RSF1: variants seen among roughly 807,000 people sequenced by gnomAD.
The protein encoded by RSF1 is HBV pX-associated protein 8.
A neutral mutation model predicts 145.2 loss-of-function variants in RSF1; 13 were observed. That is an observed-to-expected ratio of 0.09 (90% CI 0.06 to 0.14). The LOEUF is 0.14. Among genes scored for constraint, RSF1 ranks in the 10% least tolerant of loss-of-function variants. The pLI, the probability that RSF1 is intolerant of heterozygous loss-of-function variation, is 1.00. For missense variants in RSF1, 1,517 were observed against 1,718.2 expected (o/e 0.88, Z 2.07); for synonymous variants, 577 against 592.6 (o/e 0.97, Z 0.38).
Position 77,698,603 on chromosome 11 carries a change from T to G in RSF1, c.2599A>C (p.Ser867Arg), listed in dbSNP as rs568337828. 2 of 1,614,058 alleles carry G rather than the reference T, an allele frequency of 1.2e-6. No homozygotes were observed. ...SSNDESEGSGSEKSSAASEEE... is the reference protein window; with the variant it reads ...SSNDESEGSGREKSSAASEEE... ...TCTGAAGCTGCAGATGATTTTTCAC[T>G]GCCAGACCCTTCACTTTCATCATTG... The change falls in exon 7 of 16, where the codon AGT becomes CGT. Residue 867 changes from serine (S) to arginine (R), a missense_variant. By Grantham distance (110) the Ser-to-Arg change is moderately radical. Transcript: ENST00000308488.
chr11:77,722,196 C>T (rs531798867), intron 5 of RSF1, among the ~76,000 whole-genome samples: 4 of 152,170 alleles, frequency 2.6e-5, no homozygotes, highest in East Asian at 3.9e-4. Flanking sequence ...AAATAGAAGA[C>T]AGAAAAACAA....
chr11:77,725,452 G>C, intron 5 of RSF1, 93 bp downstream of exon 5: 1 of 1,059,462 alleles, frequency 9.4e-7, no homozygotes, highest in South Asian at 4.1e-5. Context: ...TTCAAATTGA[G>C]ATAGAAATTC....
At chr11:77,711,382 G>GT (rs1402957991) in intron 5 of RSF1, among the ~76,000 whole-genome samples, 1 of 152,146 alleles carries the variant, frequency 6.6e-6, no homozygotes, top group Non-Finnish European at 1.5e-5. Flanking sequence ...AAAAGTTTGT[G>GT]TATGTGGCCA....
intron 1 of RSF1, among the ~76,000 whole-genome samples, chr11:77,800,998 T>TTCTC (rs1264697437): frequency 6.7e-6 from 1 of 150,146 alleles, no homozygotes; most frequent in Non-Finnish European, 1.5e-5. Context: ...GAGCCAGGCC[T>TTCTC]TCTCTCTCTC....
intron 1 of RSF1, among the ~76,000 whole-genome samples, chr11:77,765,205 C>T (rs1034192518): frequency 6.6e-6 from 1 of 151,166 alleles, no homozygotes; most frequent in African/African-American, 2.4e-5. Context: ...TCTGCAATAA[C>T]AAATATTTGG....
chr11:77,844,436 C>T, the RSF1 span, among the ~76,000 whole-genome samples: 1 of 151,920 alleles, frequency 6.6e-6, no homozygotes, highest in Non-Finnish European at 1.5e-5. Context: ...GATCATGGCG[C>T]ACTGTAGTCT....
chr11:77,829,312 T>G, the RSF1 span, among the ~76,000 whole-genome samples: 1,552 of 152,316 alleles, frequency 0.01, 28 homozygotes, highest in African/African-American at 0.036. Flanking sequence ...CACCTTATCT[T>G]GGATATGCCA....
chr11:77,713,368 T>C (rs1256114116), intron 5 of RSF1, among the ~76,000 whole-genome samples: 2 of 152,150 alleles, frequency 1.3e-5, no homozygotes, highest in South Asian at 4.2e-4. Flanking sequence ...TCAAATACAT[T>C]ATGGCATTTT....
At chr11:77,796,751 T>TA in intron 1 of RSF1, among the ~76,000 whole-genome samples, 1 of 152,344 alleles carries the variant, frequency 6.6e-6, no homozygotes, top group East Asian at 1.9e-4. Flanking sequence ...ATTATACATT[T>TA]AGAAAATCCC....
At chr11:77,669,587 T>C (rs1959465208) in intron 15 of RSF1, among the ~76,000 whole-genome samples, 1 of 152,210 alleles carries the variant, frequency 6.6e-6, no homozygotes, top group South Asian at 2.1e-4. Context: ...AAAATTCAGT[T>C]CCATGGTCAC....
chr11:77,791,210 C>T (rs1948513788), intron 1 of RSF1, among the ~76,000 whole-genome samples: 1 of 152,176 alleles, frequency 6.6e-6, no homozygotes, highest in South Asian at 2.1e-4. Context: ...TTCTGTGCAC[C>T]CACAGGCTCA....
chr11:77,701,013 A>G lies in RSF1; in HGVS notation c.2216T>C (p.Ile739Thr), dbSNP rs1439872171. 1 of 1,613,642 alleles carries G rather than the reference A, an allele frequency of 6.2e-7. No individual in the cohort carries two copies. Among genetic ancestry groups the G allele is most frequent in the Non-Finnish European group, 8.5e-7 (1 of 1,180,006 alleles). The part of the protein sequence containing the change: ...QKEGIKLTIR[I>T]SSRKKKPDSP... ...ATCGGGCTTCTTTTTCCGACTTGAT[A>G]TCCTGATTGTTAATTTGATGCCCTC... The change falls in exon 6 of 16, where the codon ATA (isoleucine) becomes ACA (threonine). Residue 739 changes from isoleucine (I) to threonine (T), a missense_variant. Around this residue, in one of 12 missense-constraint regions of RSF1, gnomAD observed 579 missense variants for 553.5 expected, o/e 1.05. Transcript: ENST00000308488.
intron 5 of RSF1, chr11:77,703,468 G>C (rs1174053304): frequency 6.6e-6 from 1 of 152,056 alleles, no homozygotes; most frequent in Non-Finnish European, 1.5e-5. Context: ...TCTAAACAAA[G>C]TTTTACTGAG....
chr11:77,716,822 A>G (rs1182549168), intron 5 of RSF1, among the ~76,000 whole-genome samples: 1 of 152,218 alleles, frequency 6.6e-6, no homozygotes, highest in African/African-American at 2.4e-5. Context: ...GACATTCCAC[A>G]ATATGGAATT....
chr11:77,764,535 A>C (rs762504024), intron 2 of RSF1, 63 bp downstream of exon 2: 2 of 930,148 alleles, frequency 2.2e-6, no homozygotes, highest in African/African-American at 3.3e-5. Context: ...ATAAAACATA[A>C]TATCAATTTA....
intron 11 of RSF1, among the ~76,000 whole-genome samples, chr11:77,682,471 G>A (rs1959889377): frequency 6.6e-6 from 1 of 152,172 alleles, no homozygotes; most frequent in South Asian, 2.1e-4. Flanking sequence ...TGATTTAGTG[G>A]AAAGAACACT....
At chr11:77,670,671 A>G (rs970367560) in intron 15 of RSF1, among the ~76,000 whole-genome samples, 1 of 152,198 alleles carries the variant, frequency 6.6e-6, no homozygotes, top group South Asian at 2.1e-4. Flanking sequence ...TCTGTGACAC[A>G]TGAAGGTAAG....
chr11:77,701,508 T>C lies in RSF1; in HGVS notation c.1721A>G (p.Lys574Arg). The C allele has an allele frequency of 6.2e-7, 1 of 1,614,060 alleles. No homozygotes were observed. The highest frequency in any genetic ancestry group is 1.7e-5 in the Admixed American group (1 of 60,004). ...MKGEEKSPKT[K>R]KDKRPPILEC... is the part of the protein sequence containing the mutation. The stretch of plus-strand genomic sequence containing the variant: ...TAGGATTGGTGGGCGCTTATCCTTC[T>C]TAGTTTTGGGAGACTTCTCTTCACC... The change falls in exon 6 of 16, where the codon AAG (lysine) becomes AGG (arginine). Residue 574 changes from lysine (K) to arginine (R), a missense_variant. Lys to Arg is a conservative substitution (Grantham distance 26). This residue lies in a region of RSF1 where 579 missense variants were observed against 553.5 expected (regional missense o/e 1.05). Coordinates refer to ENST00000308488, the MANE Select transcript of RSF1 (RefSeq NM_016578.4).
At chr11:77,686,408 C>CAAAAAAAAAAAAAAAAAA (rs564410248) in intron 9 of RSF1, among the ~76,000 whole-genome samples, 2,208 of 37,010 alleles carry the variant, frequency 0.06, 558 homozygotes, top group Non-Finnish European at 0.083. Context: ...GACCCTGTCT[C>CAAAAAAAAAAAAAAAAAA]AAAAAAAAAA....
Sources: gnomAD v4.1 joint callset for allele counts (sites outside exome capture counted in the v4.1 genomes callset) on GRCh38, gnomAD v4.1.1 for gene constraint, gnomAD v4.1.1 regional missense constraint, MANE v1.5 for transcripts, NCBI Gene and HGNC (gene_info 2026-07-23, HGNC 2026-07-21) for gene names.